SLIT3: variants seen among roughly 807,000 people sequenced by gnomAD.
The protein encoded by SLIT3 is slit homolog 3 protein.
In SLIT3, 68 loss-of-function variants were observed where a neutral mutation model predicts 184.0. That is an observed-to-expected ratio of 0.37 (90% CI 0.30 to 0.45). SLIT3 has a LOEUF of 0.45. Ranked by LOEUF, SLIT3 falls within the 20% of genes least tolerant of loss-of-function variation. The pLI, the probability that SLIT3 is intolerant of heterozygous loss-of-function variation, is 1.00. For synonymous variants in SLIT3, 831 were observed against 828.6 expected (o/e 1.00, Z -0.05); for missense variants, 1,707 against 2,026.0 (o/e 0.84, Z 3.02).
intron 7 of SLIT3, among the ~76,000 whole-genome samples, chr5:168,822,943 T>C (rs1056558579): frequency 1.3e-5 from 2 of 152,290 alleles, no homozygotes; most frequent in Middle Eastern, 3.4e-3. Flanking sequence ...TTTGTGACAA[T>C]GTAAAACTAA....
intron 22 of SLIT3, 65 bp downstream of exon 22, chr5:168,722,868 G>A (rs1762987861): frequency 8.0e-7 from 1 of 1,252,600 alleles, no homozygotes; most frequent in South Asian, 1.2e-5. Flanking sequence ...TGGGAGGGAG[G>A]GAAAGAGTAA....
intron 3 of SLIT3, among the ~76,000 whole-genome samples, chr5:169,207,784 T>A (rs2113503288): frequency 6.6e-6 from 1 of 152,220 alleles, no homozygotes; most frequent in South Asian, 2.1e-4. Flanking sequence ...GTGGGACCTT[T>A]GGGCGGTGAC....
chr5:169,102,922 C>G (rs1760072486), intron 4 of SLIT3, among the ~76,000 whole-genome samples: 1 of 152,206 alleles, frequency 6.6e-6, no homozygotes, highest in Non-Finnish European at 1.5e-5. Flanking sequence ...TCTTCTAAAT[C>G]ATTGGATTTT....
At chr5:169,069,344 A>G (rs1758461334) in intron 4 of SLIT3, among the ~76,000 whole-genome samples, 1 of 152,208 alleles carries the variant, frequency 6.6e-6, no homozygotes, top group Admixed American at 6.5e-5. Context: ...AAATATGAGG[A>G]AGAGGAACTG....
At chr5:168,778,047 G>A (rs1170722355) in intron 12 of SLIT3, among the ~76,000 whole-genome samples, 1 of 152,222 alleles carries the variant, frequency 6.6e-6, no homozygotes, top group Non-Finnish European at 1.5e-5. Flanking sequence ...TCACCGGAGG[G>A]ATGGATTCCC....
chr5:168,952,550 A>AAAAAAAAAAAAAAAAG (rs59047961), intron 4 of SLIT3, among the ~76,000 whole-genome samples: 1 of 128,042 alleles, frequency 7.8e-6, no homozygotes, highest in African/African-American at 3.5e-5. Flanking sequence ...AAAAAAAAAG[A>AAAAAAAAAAAAAAAAG]GGGGAGAAGG....
At chr5:169,194,032 G>C (rs1342566688) in intron 3 of SLIT3, among the ~76,000 whole-genome samples, 2 of 151,952 alleles carry the variant, frequency 1.3e-5, no homozygotes, top group Admixed American at 6.6e-5. Flanking sequence ...AAGAGATCGA[G>C]ACCATCATTG....
intron 1 of SLIT3, among the ~76,000 whole-genome samples, chr5:169,255,485 T>C (rs889954334): frequency 6.6e-6 from 1 of 152,162 alleles, no homozygotes; most frequent in Admixed American, 6.5e-5. Flanking sequence ...AAAAAGTTTA[T>C]AAAATAAGCA....
At chr5:169,140,539 A>G (rs1244304561) in intron 4 of SLIT3, among the ~76,000 whole-genome samples, 1 of 150,622 alleles carries the variant, frequency 6.6e-6, no homozygotes, top group Non-Finnish European at 1.5e-5. Flanking sequence ...GGTGGCTCAC[A>G]TCCACCTGTA....
At chr5:169,270,105 CCA>C (rs2113629581) in intron 1 of SLIT3, among the ~76,000 whole-genome samples, 1 of 152,282 alleles carries the variant, frequency 6.6e-6, no homozygotes, top group South Asian at 2.1e-4. Flanking sequence ...TCAGCCATTG[CCA>C]CAAAGATTGG....
intron 9 of SLIT3, among the ~76,000 whole-genome samples, chr5:168,802,999 T>C (rs1756823665): frequency 6.7e-6 from 1 of 148,824 alleles, no homozygotes; most frequent in African/African-American, 2.5e-5. Flanking sequence ...CCACAGTCTA[T>C]ACTCTTAACC....
At position 169,301,066 on chromosome 5, in the gene SLIT3, G is replaced by A. The variant is rs1767676656; in HGVS notation, c.-357C>T. 1 of 153,938 alleles carries A rather than the reference G, an allele frequency of 6.5e-6. No homozygotes were observed. Among genetic ancestry groups the A allele is most frequent in the African/African-American group, 2.4e-5 (1 of 41,424 alleles). 9.5% of individuals were successfully genotyped at this position (153,938 alleles called of 1,614,324 possible). On this transcript the variant is annotated 5_prime_UTR_variant, in exon 1 of 36. Transcript: ENST00000519560. ...GGGAGGTCCGGCTTGGGGCTGGGCTGGGGAGCGCGGCGGCTGCGGCTGGGG... is the reference window on the plus strand; with the variant it reads ...GGGAGGTCCGGCTTGGGGCTGGGCTAGGGAGCGCGGCGGCTGCGGCTGGGG...
intron 1 of SLIT3, among the ~76,000 whole-genome samples, chr5:169,293,860 G>A (rs908732083): frequency 6.6e-6 from 1 of 152,236 alleles, no homozygotes; most frequent in African/African-American, 2.4e-5. Context: ...CTCTTGACAG[G>A]CCAGCAGTCA....
chr5:169,071,254 G>A (rs1169578994), intron 4 of SLIT3, among the ~76,000 whole-genome samples: 10 of 152,212 alleles, frequency 6.6e-5, no homozygotes, highest in Admixed American at 5.9e-4. Context: ...TCCCTGAATG[G>A]GGCTCATGTA....
At chr5:169,268,053 A>G (rs1766459765) in intron 1 of SLIT3, among the ~76,000 whole-genome samples, 1 of 152,278 alleles carries the variant, frequency 6.6e-6, no homozygotes, top group South Asian at 2.1e-4. Context: ...CATACTTTGT[A>G]TAAACACTAA....
At position 168,994,623 on chromosome 5, in the gene SLIT3, C is replaced by CTTTTTT. The variant is rs66498923; in HGVS notation, c.414-111293_414-111288dup. ...ACATGTACCAGTGTCTGGCATTCTA[C>CTTTTTT]TTTTTTTTTTTTTTTTTTTTTTTTT... is the stretch of plus-strand genomic sequence containing the variant. On this transcript the variant is annotated intron_variant, in intron 4 of 35. Coordinates refer to ENST00000519560, the MANE Select transcript of SLIT3 (RefSeq NM_003062.4). Among the ~76,000 whole-genome samples, 95 of 47,098 alleles carry CTTTTTT rather than the reference C, an allele frequency of 2.0e-3. 29 individuals are homozygous for CTTTTTT. The highest frequency in any genetic ancestry group is 0.016 in the Middle Eastern group (1 of 62). The allele number at this position is 47,098 out of a possible 152,430, so 30.9% of individuals were successfully genotyped here. A position where few individuals can be genotyped will look rare whatever the true frequency, so the allele number is the denominator to read the frequency against.
chr5:168,984,065 T>A (rs76783106), intron 4 of SLIT3, among the ~76,000 whole-genome samples: 4,672 of 121,064 alleles, frequency 0.039, 110 homozygotes, highest in African/African-American at 0.097. Flanking sequence ...ATATATATAT[T>A]TTTTTTAATG....
intron 4 of SLIT3, among the ~76,000 whole-genome samples, chr5:169,001,468 G>A (rs1292457510): frequency 6.6e-6 from 1 of 152,114 alleles, no homozygotes; most frequent in Non-Finnish European, 1.5e-5. Flanking sequence ...AGGCACATAG[G>A]CGGGTCACGT....
intron 4 of SLIT3, among the ~76,000 whole-genome samples, chr5:168,989,535 T>C (rs1464550886): frequency 6.6e-6 from 1 of 152,224 alleles, no homozygotes; most frequent in African/African-American, 2.4e-5. Context: ...CCAGCTAACA[T>C]CTCTGCATCT....
Sources: gnomAD v4.1 joint callset for allele counts (sites outside exome capture counted in the v4.1 genomes callset) on GRCh38, gnomAD v4.1.1 for gene constraint, MANE v1.5 for transcripts, NCBI Gene and HGNC (gene_info 2026-07-23, HGNC 2026-07-21) for gene names.